Variants in WDFY3 observed in about 807,000 individuals in gnomAD.
WDFY3 encodes the protein WD repeat and FYVE domain containing 3.
Under a neutral mutation model 409.6 loss-of-function variants are expected in WDFY3, and 66 were observed. The observed-to-expected ratio is 0.16, with a 90% CI of 0.13 to 0.20. The LOEUF (loss-of-function observed/expected upper bound fraction) is 0.20, where lower values mean the gene tolerates loss of function less well. Ranked by LOEUF, WDFY3 falls within the 10% of genes least tolerant of loss-of-function variation. The pLI is 1.00. For missense variants in WDFY3, 3,031 were observed against 4,298.1 expected, an observed-to-expected ratio of 0.71 and a Z score of 8.24; for synonymous variants, 1,521 against 1,537.1, an observed-to-expected ratio of 0.99 and a Z score of 0.25.
intron 1 of WDFY3, among the ~76,000 whole-genome samples, chr4:84,950,346 C>A (rs1194684782): frequency 6.6e-6 from 1 of 151,538 alleles, no homozygotes; most frequent in Non-Finnish European, 1.5e-5. Context: ...AGCAAACCAC[C>A]ATGGCACATG....
chr4:84,788,928 G>C (rs560105117), intron 22 of WDFY3, among the ~76,000 whole-genome samples: 1 of 152,186 alleles, frequency 6.6e-6, no homozygotes, highest in East Asian at 1.9e-4. Flanking sequence ...GCTGAGGCAG[G>C]AGAATTGCTC....
intron 49 of WDFY3, 60 bp from the exon 50 acceptor site, chr4:84,715,443 T>C (rs749803667): frequency 1.1e-4 from 105 of 986,384 alleles, no homozygotes; most frequent in Non-Finnish European, 1.6e-4. Context: ...TAAAATTATA[T>C]ATTAACTTTT....
In WDFY3 at chr4:84,724,355, A is replaced by G. The variant is rs1735315808; in HGVS notation, c.7441+71T>C. On this transcript the variant is annotated intron_variant, in intron 46 of 67. Coordinates refer to ENST00000295888, the MANE Select transcript of WDFY3 (RefSeq NM_014991.6). ...GGCCCTACTATTTATAGTTGCTCAAATTTTTGTATGAATTCAAATACAAGA... is the reference window on the plus strand; with the variant it reads ...GGCCCTACTATTTATAGTTGCTCAAGTTTTTGTATGAATTCAAATACAAGA... 4 of 1,527,006 alleles carry G rather than the reference A, an allele frequency of 2.6e-6. No homozygotes were observed. In the South Asian group the frequency reaches 3.9e-5, roughly 15 times the overall value. The allele number at this position is 1,527,006 out of a possible 1,614,324, so 94.6% of individuals were successfully genotyped here.
chr4:84,711,635 G>A (rs977294063), intron 51 of WDFY3, among the ~76,000 whole-genome samples: 1 of 152,068 alleles, frequency 6.6e-6, no homozygotes, highest in East Asian at 1.9e-4. Context: ...GGCGGATCGC[G>A]AGGTCGGGAG....
In WDFY3 at chr4:84,914,762, T is replaced by C. The variant is rs550026849; in HGVS notation, c.-132+17508A>G. On this transcript the variant is annotated intron_variant, in intron 2 of 67. Coordinates refer to ENST00000295888, the MANE Select transcript of WDFY3 (RefSeq NM_014991.6). Reference sequence around the variant, plus strand: ...GAAAAATGCAAAATGGTGCAGCCACTGTGGAAAGCAAGTTTAGTGGTTCCT... The same window carrying C: ...GAAAAATGCAAAATGGTGCAGCCACCGTGGAAAGCAAGTTTAGTGGTTCCT... 5.9e-5 allele frequency among the ~76,000 whole-genome samples: 9 copies of C among 152,294 alleles called. No homozygotes were observed. The South Asian group carries it at 1.2e-3, about 21-fold the overall frequency.
rs762896301 is a variant in WDFY3, at chr4:84,775,100, T to C, written c.4557A>G (p.Leu1519=). The change falls in exon 28 of 68, where the codon TTA becomes TTG. Residue 1519 remains leucine, a synonymous_variant. Transcript: ENST00000295888. ...TGAGCAGTTCAATAAAGTGTTCAAA[T>C]AAGGAAAGATGAAGTTCATATGGTG... ...LHAPYELHLS[L]FEHFIELLTE... The C allele has an allele frequency of 3.7e-6, 6 of 1,613,392 alleles. No homozygotes were observed. In the South Asian group the frequency reaches 6.6e-5, roughly 18 times the overall value.
chr4:84,762,725 A>G (rs1742890499), intron 32 of WDFY3, among the ~76,000 whole-genome samples: 1 of 152,194 alleles, frequency 6.6e-6, no homozygotes, highest in Admixed American at 6.5e-5. Flanking sequence ...CATTAATGAA[A>G]CTGCCACATT....
intron 19 of WDFY3, 138 bp downstream of exon 19, chr4:84,796,383 C>CA (rs1749447544): frequency 2.0e-6 from 1 of 511,458 alleles, no homozygotes; most frequent in Non-Finnish European, 3.1e-6. Context: ...ATAGCATGCT[C>CA]AAAAAACTCA....
rs772826663 is a variant in WDFY3, at chr4:84,737,250, C to T, written c.6691G>A (p.Val2231Met). The T allele has an allele frequency of 8.1e-6, 13 of 1,614,120 alleles. No homozygotes were observed. Among genetic ancestry groups the T allele is most frequent in the African/African-American group, 8.0e-5 (6 of 75,028 alleles). ...VTLPVNERGH[V>M]DIATARPLIE... ...AGTGGCCTTGCTGTAGCTATGTCCA[C>T]GTGGCCCCTTTCATTCACAGGTAGA... Residue 2231 changes from valine to methionine, a missense_variant, in exon 41 of 68, where the codon GTG (valine) becomes ATG (methionine). This residue lies in a region of WDFY3 where 314 missense variants were observed against 397.4 expected (regional missense o/e 0.79). Transcript: ENST00000295888.
intron 37 of WDFY3, among the ~76,000 whole-genome samples, chr4:84,742,687 C>A (rs1233088972): frequency 6.6e-6 from 1 of 152,216 alleles, no homozygotes; most frequent in East Asian, 1.9e-4. Context: ...TATTATGAAC[C>A]GTGCATGCAA....
intron 25 of WDFY3, among the ~76,000 whole-genome samples, chr4:84,782,589 C>T (rs950227152): frequency 3.9e-5 from 6 of 152,096 alleles, no homozygotes; most frequent in Non-Finnish European, 7.4e-5. Flanking sequence ...TCCCTGTGTC[C>T]GTATGTTCTC....
At chr4:84,702,325 C>G in intron 56 of WDFY3, 28 bp downstream of exon 56, 2 of 1,572,076 alleles carry the variant, frequency 1.3e-6, no homozygotes, top group African/African-American at 2.7e-5. Context: ...GGCTAACATT[C>G]CTAAGACAGT....
At chr4:84,796,085 G>A (rs922640721) in intron 19 of WDFY3, among the ~76,000 whole-genome samples, 3 of 151,358 alleles carry the variant, frequency 2.0e-5, no homozygotes, top group Non-Finnish European at 2.9e-5. Flanking sequence ...TTAGATGTTG[G>A]CAGACTTTTT....
rs189624128 is a variant in WDFY3, at chr4:84,712,150, C to T, written c.8042+1009G>A. On this transcript the variant is annotated intron_variant, in intron 51 of 67. Transcript: ENST00000295888. ...ACCACCCACGCCAACATGGAGAAAC[C>T]CCTTCTCTACTAAAAATACAACAAT... is the stretch of plus-strand genomic sequence containing the variant. 1.8e-3 allele frequency among the ~76,000 whole-genome samples: 272 copies of T among 151,676 alleles called. 2 individuals are homozygous for T. Among genetic ancestry groups the T allele is most frequent in the African/African-American group, 6.3e-3 (262 of 41,386 alleles).
At chr4:84,819,564 T>C (rs1337042771) in intron 12 of WDFY3, among the ~76,000 whole-genome samples, 1 of 152,050 alleles carries the variant, frequency 6.6e-6, no homozygotes, top group East Asian at 1.9e-4. Context: ...TAAATATAGT[T>C]AGGTTATCTG....
chr4:84,865,624 A>C (rs890293905), intron 3 of WDFY3, among the ~76,000 whole-genome samples: 1 of 151,744 alleles, frequency 6.6e-6, no homozygotes, highest in Admixed American at 6.6e-5. Flanking sequence ...CTGCCCCCCA[A>C]CCCCAGCCCT....
intron 30 of WDFY3, among the ~76,000 whole-genome samples, chr4:84,767,018 C>T (rs1216799746): frequency 6.6e-6 from 1 of 152,136 alleles, no homozygotes; most frequent in African/African-American, 2.4e-5. Flanking sequence ...ACAGACCTCA[C>T]AGAGGCACAC....
chr4:84,698,147 T>C lies in WDFY3; in HGVS notation c.8597-1324A>G, dbSNP rs1730447127. ...AGGCTACTTGAGATAGAAATTACTT[T>C]TCCAAATTTTGCTACAATCCTTGAA... On this transcript the variant is annotated intron_variant, in intron 56 of 67. Coordinates refer to ENST00000295888, the MANE Select transcript of WDFY3 (RefSeq NM_014991.6). Among the ~76,000 whole-genome samples the C allele has an allele frequency of 2.0e-5, 3 of 152,156 alleles. No individual in the cohort carries two copies. The South Asian group carries it at 6.2e-4, about 32-fold the overall frequency.
intron 18 of WDFY3, among the ~76,000 whole-genome samples, chr4:84,797,727 C>A (rs1409253907): frequency 2.0e-5 from 3 of 151,882 alleles, no homozygotes; most frequent in African/African-American, 7.2e-5. Context: ...ACTACAGGCG[C>A]CTGCCACTGC....
Sources: gnomAD v4.1 joint callset for allele counts (sites outside exome capture counted in the v4.1 genomes callset) on GRCh38, gnomAD v4.1.1 for gene constraint, gnomAD v4.1.1 regional missense constraint, MANE v1.5 for transcripts, NCBI Gene and HGNC (gene_info 2026-07-23, HGNC 2026-07-21) for gene names.